Variants in RAP1GDS1 observed in about 807,000 individuals in gnomAD.
RAP1GDS1 encodes RAP1, GTP-GDP dissociation stimulator 1.
A neutral mutation model predicts 71.1 loss-of-function variants in RAP1GDS1; 35 were observed. The observed-to-expected ratio is 0.49, with a 90% CI of 0.38 to 0.65. The LOEUF is 0.65. Ranked by LOEUF, RAP1GDS1 falls within the 30% of genes least tolerant of loss-of-function variation. The pLI is 0.00. For missense variants in RAP1GDS1, 663 were observed against 706.1 expected, an observed-to-expected ratio of 0.94 and a Z score of 0.69; for synonymous variants, 229 against 243.1, an observed-to-expected ratio of 0.94 and a Z score of 0.54.
intron 1 of RAP1GDS1, among the ~76,000 whole-genome samples, chr4:98,274,434 A>G: frequency 6.6e-6 from 1 of 152,304 alleles, no homozygotes; most frequent in African/African-American, 2.4e-5. Flanking sequence ...TGATAAATTA[A>G]TGTTTTCCCT....
Position 98,379,026 on chromosome 4 carries a change from G to A in RAP1GDS1, c.371G>A (p.Arg124Lys). Residue 124 changes from arginine (R) to lysine (K), a missense_variant, in exon 5 of 15, where the codon AGA (arginine) becomes AAA (lysine). By Grantham distance (26) the Arg-to-Lys change is conservative. Transcript: ENST00000408927. ...GNICYDSHEG[R>K]SAVDQAGGAQ... ...ACTCTTTGTTTTACAGATGAGGGCAGAAGTGCAGTTGACCAAGCAGGTGGT... is the reference window on the plus strand; with the variant it reads ...ACTCTTTGTTTTACAGATGAGGGCAAAAGTGCAGTTGACCAAGCAGGTGGT... 1 of 1,598,222 alleles carries A rather than the reference G, an allele frequency of 6.3e-7. No homozygotes were observed. Among genetic ancestry groups the A allele is most frequent in the Non-Finnish European group, 8.5e-7 (1 of 1,172,866 alleles).
At chr4:98,341,717 A>AC (rs1162729916) in intron 2 of RAP1GDS1, among the ~76,000 whole-genome samples, 2 of 147,916 alleles carry the variant, frequency 1.4e-5, no homozygotes, top group South Asian at 4.3e-4. Flanking sequence ...TTTTGCTTAA[A>AC]AAAAAAAAAA....
At chr4:98,274,322 AGATTTTGTTTCCATTTCT>A (rs1411765182) in intron 1 of RAP1GDS1, among the ~76,000 whole-genome samples, 2 of 152,196 alleles carry the variant, frequency 1.3e-5, no homozygotes, top group Non-Finnish European at 2.9e-5. Context: ...AGGCAAGTCC[AGATTTTGTTTCCATTTCT>A]GATCAAAATT....
chr4:98,403,626 G>T (rs1021953605), intron 6 of RAP1GDS1, among the ~76,000 whole-genome samples: 16 of 152,168 alleles, frequency 1.1e-4, no homozygotes, highest in African/African-American at 3.9e-4. Context: ...TATTTATGTT[G>T]TATAAATATC....
Position 98,420,152 on chromosome 4 carries a change from A to C in RAP1GDS1, c.1300+8A>C. The C allele has an allele frequency of 6.6e-7, 1 of 1,506,176 alleles. No homozygotes were observed. The highest frequency in any genetic ancestry group is 1.4e-5 in the South Asian group (1 of 68,978). 93.3% of individuals were successfully genotyped at this position (1,506,176 alleles called of 1,614,324 possible). On this transcript the variant is annotated splice_region_variant and intron_variant, in intron 11 of 14. Coordinates refer to ENST00000408927, the MANE Select transcript of RAP1GDS1 (RefSeq NM_001100427.2). ...TGTTAATAGATGCACAAGGTAAAAGAAATGTTTTCCCCAACTTGCATTTTT... is the reference window on the plus strand; with the variant it reads ...TGTTAATAGATGCACAAGGTAAAAGCAATGTTTTCCCCAACTTGCATTTTT...
At chr4:98,310,165 A>G (rs952397588) in intron 2 of RAP1GDS1, among the ~76,000 whole-genome samples, 2 of 152,118 alleles carry the variant, frequency 1.3e-5, no homozygotes, top group Non-Finnish European at 2.9e-5. Flanking sequence ...ACACCCCTCC[A>G]TCTTCAGGTC....
intron 2 of RAP1GDS1, among the ~76,000 whole-genome samples, chr4:98,296,333 A>G (rs1436932966): frequency 6.6e-6 from 1 of 152,148 alleles, no homozygotes; most frequent in African/African-American, 2.4e-5. Context: ...GCATATTACA[A>G]ATGACTGTAA....
At chr4:98,392,497 T>C in intron 6 of RAP1GDS1, among the ~76,000 whole-genome samples, 1 of 152,184 alleles carries the variant, frequency 6.6e-6, no homozygotes, top group South Asian at 2.1e-4. Context: ...GGTGGATTGC[T>C]TGAGCTCAGG....
intron 2 of RAP1GDS1, among the ~76,000 whole-genome samples, chr4:98,307,702 A>T (rs1400826346): frequency 1.3e-5 from 2 of 151,984 alleles, no homozygotes; most frequent in African/African-American, 4.8e-5. Context: ...AGATGTCTTG[A>T]TTTTTATATT....
intron 3 of RAP1GDS1, among the ~76,000 whole-genome samples, chr4:98,346,222 TTA>T (rs1736223370): frequency 6.6e-6 from 1 of 152,162 alleles, no homozygotes; most frequent in African/African-American, 2.4e-5. Flanking sequence ...TCTGTGTACT[TTA>T]TCATATTGCA....
At chr4:98,350,667 A>G (rs6843874) in intron 3 of RAP1GDS1, among the ~76,000 whole-genome samples, 21,518 of 152,104 alleles carry the variant, frequency 0.14, 2,219 homozygotes, top group African/African-American at 0.28. Context: ...GTGAATCCCC[A>G]TCTCTACTAA....
At chr4:98,297,243 G>T (rs1396149319) in intron 2 of RAP1GDS1, among the ~76,000 whole-genome samples, 1 of 151,942 alleles carries the variant, frequency 6.6e-6, no homozygotes, top group Non-Finnish European at 1.5e-5. Flanking sequence ...TAGCCCTAAG[G>T]TAATTTGCTA....
chr4:98,430,437 T>C (rs1750238387), intron 12 of RAP1GDS1, among the ~76,000 whole-genome samples: 1 of 152,230 alleles, frequency 6.6e-6, no homozygotes, highest in Non-Finnish European at 1.5e-5. Flanking sequence ...TAACCAGTGT[T>C]ACAGTAGACA....
intron 2 of RAP1GDS1, among the ~76,000 whole-genome samples, chr4:98,332,237 G>A (rs10014088): frequency 1.3e-5 from 2 of 152,106 alleles, no homozygotes; most frequent in Non-Finnish European, 2.9e-5. Flanking sequence ...ATAGAGGAAT[G>A]TAAACAATAA....
At position 98,309,791 on chromosome 4, in the gene RAP1GDS1, C is replaced by T. The variant is rs187354038; in HGVS notation, c.112+16276C>T. Among the ~76,000 whole-genome samples, 1,135 of 151,778 alleles carry T rather than the reference C, an allele frequency of 7.5e-3. 21 individuals carry two copies. The highest frequency in any genetic ancestry group is 0.015 in the Admixed American group (224 of 15,222). ...TTGTGTGGTTCATGGTCATTTTATT[C>T]TCTCTTAAATCTCTAATAATTGAAG... is the stretch of plus-strand genomic sequence containing the variant. On this transcript the variant is annotated intron_variant, in intron 2 of 14. Coordinates refer to ENST00000408927, the MANE Select transcript of RAP1GDS1 (RefSeq NM_001100427.2).
At chr4:98,317,070 A>G (rs1365300639) in intron 2 of RAP1GDS1, among the ~76,000 whole-genome samples, 34 of 151,870 alleles carry the variant, frequency 2.2e-4, no homozygotes, top group Admixed American at 2.2e-3. Context: ...TCTGCTTGAG[A>G]GGGTGAATTC....
intron 1 of RAP1GDS1, among the ~76,000 whole-genome samples, chr4:98,291,308 T>A (rs1162943070): frequency 6.6e-6 from 1 of 152,164 alleles, no homozygotes; most frequent in Non-Finnish European, 1.5e-5. Context: ...AGGAAAGAAA[T>A]TGTTTTAAGA....
At chr4:98,317,823 T>C (rs1560823417) in intron 2 of RAP1GDS1, among the ~76,000 whole-genome samples, 1 of 148,716 alleles carries the variant, frequency 6.7e-6, no homozygotes, top group African/African-American at 2.5e-5. Flanking sequence ...TATATATATA[T>C]ATATTTTTTT....
At chr4:98,404,296 A>G (rs1315179959) in intron 6 of RAP1GDS1, among the ~76,000 whole-genome samples, 181 bp from the exon 7 acceptor site, 2 of 152,128 alleles carry the variant, frequency 1.3e-5, no homozygotes, top group Admixed American at 6.5e-5. Context: ...GGGTCAGAAC[A>G]TTTTCTCTAA....
Sources: allele counts gnomAD v4.1 joint callset (sites outside exome capture counted in the v4.1 genomes callset), GRCh38; gene constraint gnomAD v4.1.1; transcripts MANE v1.5; gene names NCBI Gene and HGNC (gene_info 2026-07-23, HGNC 2026-07-21).